Variants in AK7 observed in about 807,000 individuals in gnomAD.
The protein encoded by AK7 is ATP-AMP transphosphorylase 7.
AK7 carries 78 observed loss-of-function variants against 96.6 expected under a neutral mutation model. The ratio of observed to expected loss-of-function variants is 0.81; its 90% CI spans 0.67 to 0.97. The LOEUF is 0.97. AK7 is among the 50% of genes least tolerant of loss of function. The probability of loss-of-function intolerance (pLI) is 0.00; values close to 1 mark genes in which losing one functional copy is unlikely to be tolerated. For synonymous variants in AK7, 302 were observed against 317.2 expected, an observed-to-expected ratio of 0.95 and a Z score of 0.51; for missense variants, 855 against 887.9, an observed-to-expected ratio of 0.96 and a Z score of 0.47.
At chr14:96,434,825 C>T (rs1892553169) in intron 5 of AK7, among the ~76,000 whole-genome samples, 1 of 152,174 alleles carries the variant, frequency 6.6e-6, no homozygotes. Context: ...CCTTCCCAGT[C>T]TTCCCTCTTC....
chr14:96,476,440 G>A lies in AK7; in HGVS notation c.1556-2025G>A, dbSNP rs1381687666. ...GAATCACCTGAACCCGGGAGGCAGA[G>A]GTTGCAGTGAGCCAAGATCGCGCCA... On this transcript the variant is annotated intron_variant, in intron 14 of 17. Coordinates refer to ENST00000267584, the MANE Select transcript of AK7 (RefSeq NM_152327.5). 4.0e-5 allele frequency among the ~76,000 whole-genome samples: 6 copies of A among 151,728 alleles called. No homozygotes were observed. The East Asian group carries it at 1.2e-3, about 29-fold the overall frequency.
intron 12 of AK7, among the ~76,000 whole-genome samples, chr14:96,458,912 CAAAAAA>C (rs780061684): frequency 4.3e-4 from 10 of 23,518 alleles, no homozygotes; most frequent in Non-Finnish European, 9.2e-4. Flanking sequence ...CCTGTCTCAA[CAAAAAA>C]AAAAAAAAAA....
intron 5 of AK7, 141 bp from the exon 6 acceptor site, chr14:96,437,694 T>C (rs1892717821): frequency 1.6e-6 from 1 of 617,398 alleles, no homozygotes; most frequent in East Asian, 2.8e-5. Flanking sequence ...AGAGATAGGA[T>C]TTGTATCCCG....
chr14:96,446,168 GGGTCCTGCTGGGGGCC>G lies in AK7; in HGVS notation c.780-333_780-318del, dbSNP rs552323992. On this transcript the variant is annotated intron_variant, in intron 7 of 17. Coordinates refer to ENST00000267584, the MANE Select transcript of AK7 (RefSeq NM_152327.5). Reference sequence around the variant, plus strand: ...TAGATGGGGAGGGCTTCATAAACTGGGGTCCTGCTGGGGGCCGGTCCTGCTGGGGGCAGTTCCCCTT... The same window carrying G: ...TAGATGGGGAGGGCTTCATAAACTGGGGTCCTGCTGGGGGCAGTTCCCCTT... Among the ~76,000 whole-genome samples, 15 of 151,998 alleles carry G rather than the reference GGGTCCTGCTGGGGGCC, an allele frequency of 9.9e-5. 1 individual carries two copies. Among genetic ancestry groups the G allele is most frequent in the Admixed American group, 9.8e-4 (15 of 15,274 alleles).
chr14:96,457,631 A>T (rs1894005846), intron 11 of AK7, among the ~76,000 whole-genome samples: 1 of 151,590 alleles, frequency 6.6e-6, no homozygotes. Flanking sequence ...GTTGCCTGGA[A>T]CGCTTGTAGG....
At chr14:96,395,800 A>ATTTTTTTTT (rs1172936912) in intron 1 of AK7, among the ~76,000 whole-genome samples, 5 of 69,018 alleles carry the variant, frequency 7.2e-5, no homozygotes, top group Non-Finnish European at 1.0e-4. Flanking sequence ...TTGATTTTGA[A>ATTTTTTTTT]TTTTTTTTTT....
At chr14:96,482,408 G>A (rs1236104262) in intron 15 of AK7, among the ~76,000 whole-genome samples, 1 of 152,056 alleles carries the variant, frequency 6.6e-6, no homozygotes, top group Admixed American at 6.6e-5. Flanking sequence ...CTAAGAGAGT[G>A]GCATAGAATT....
chr14:96,431,840 C>A (rs900572375), intron 5 of AK7, among the ~76,000 whole-genome samples: 5 of 152,056 alleles, frequency 3.3e-5, no homozygotes, highest in African/African-American at 1.2e-4. Flanking sequence ...ATTGATGTGT[C>A]TAATATTGAC....
At chr14:96,423,221 G>A (rs1220845916) in intron 5 of AK7, among the ~76,000 whole-genome samples, 1 of 152,186 alleles carries the variant, frequency 6.6e-6, no homozygotes, top group Admixed American at 6.5e-5. Flanking sequence ...TTGGGGCTGA[G>A]CCTCATTGCG....
At chr14:96,436,644 A>AAAACAAAC (rs572759417) in intron 5 of AK7, among the ~76,000 whole-genome samples, 1 of 152,114 alleles carries the variant, frequency 6.6e-6, no homozygotes, top group African/African-American at 2.4e-5. Context: ...ACTCTGTCTC[A>AAAACAAAC]AAACAAACAA....
At chr14:96,398,531 GCA>G (rs1890221476) in intron 2 of AK7, 1 of 465,488 alleles carries the variant, frequency 2.1e-6, no homozygotes, top group Non-Finnish European at 3.9e-6. Context: ...CTCCTCTTCA[GCA>G]TATTCTGCCT....
chr14:96,418,175 T>C (rs1340909713), intron 4 of AK7, among the ~76,000 whole-genome samples: 1 of 150,546 alleles, frequency 6.6e-6, no homozygotes, highest in Non-Finnish European at 1.5e-5. Context: ...ACAATTTTTT[T>C]TTATTAGCCT....
chr14:96,419,988 C>A (rs1452490729), intron 4 of AK7, among the ~76,000 whole-genome samples: 2 of 151,234 alleles, frequency 1.3e-5, no homozygotes, highest in Non-Finnish European at 1.5e-5. Flanking sequence ...GGGGTTTCAT[C>A]ATGTTAGCCA....
intron 15 of AK7, among the ~76,000 whole-genome samples, chr14:96,480,079 A>G (rs982800195): frequency 6.6e-6 from 1 of 152,238 alleles, no homozygotes; most frequent in African/African-American, 2.4e-5. Flanking sequence ...AAGGAGTTCA[A>G]CAAGTGGTCA....
intron 12 of AK7, among the ~76,000 whole-genome samples, chr14:96,462,142 C>CA (rs1161053652): frequency 9.2e-5 from 14 of 152,278 alleles, no homozygotes; most frequent in East Asian, 7.7e-4. Context: ...CAGCCTCTGT[C>CA]AGGAGAGATG....
chr14:96,420,406 A>G (rs2140038726), intron 4 of AK7, among the ~76,000 whole-genome samples: 1 of 151,892 alleles, frequency 6.6e-6, no homozygotes, highest in East Asian at 2.0e-4. Flanking sequence ...GAGGCAGGAG[A>G]ATCACTTGAA....
At chr14:96,435,586 G>A (rs902915010) in intron 5 of AK7, among the ~76,000 whole-genome samples, 1 of 152,134 alleles carries the variant, frequency 6.6e-6, no homozygotes, top group Non-Finnish European at 1.5e-5. Context: ...CTGTCTCTGG[G>A]CCTCGCTCAG....
intron 2 of AK7, chr14:96,398,633 G>A (rs540864885): frequency 4.6e-5 from 11 of 238,544 alleles, no homozygotes; most frequent in Middle Eastern, 1.6e-3. Flanking sequence ...TGTAATCCCA[G>A]CACTTTGGGA....
chr14:96,457,632 C>T (rs1008819489), intron 11 of AK7, among the ~76,000 whole-genome samples: 71 of 151,918 alleles, frequency 4.7e-4, no homozygotes, highest in African/African-American at 1.2e-3. Flanking sequence ...TTGCCTGGAA[C>T]GCTTGTAGGT....
Sources: gnomAD v4.1 joint callset for allele counts (sites outside exome capture counted in the v4.1 genomes callset) on GRCh38, gnomAD v4.1.1 for gene constraint, MANE v1.5 for transcripts, NCBI Gene and HGNC (gene_info 2026-07-23, HGNC 2026-07-21) for gene names.